FARS2: variants seen among roughly 807,000 people sequenced by gnomAD.
The protein encoded by FARS2 is phenylalanine--tRNA ligase, mitochondrial.
In FARS2, 40 loss-of-function variants were observed where a neutral mutation model predicts 46.4. The observed-to-expected ratio is 0.86, with a 90% CI of 0.67 to 1.12. The LOEUF is 1.12. Among genes scored for constraint, FARS2 ranks in the 50% most tolerant of loss-of-function variants. The pLI, the probability that FARS2 is intolerant of heterozygous loss-of-function variation, is 0.00. For missense variants in FARS2, 513 were observed against 567.9 expected (o/e 0.90, Z 0.98); for synonymous variants, 234 against 214.9 (o/e 1.09, Z -0.78).
At chr6:5,492,680 A>G (rs1287054768) in intron 4 of FARS2, among the ~76,000 whole-genome samples, 1 of 152,248 alleles carries the variant, frequency 6.6e-6, no homozygotes, top group Non-Finnish European at 1.5e-5. Context: ...TCGAGCCCCT[A>G]CCATGTTCTG....
rs554904133 is a variant in FARS2, at chr6:5,373,855, G to A, written c.612+4673G>A. The stretch of plus-strand genomic sequence containing the variant: ...AAGAAAAATAAAAGGGGATGAAAAC[G>A]ATACCCGTAGATTAAAAGAAAGATC... On this transcript the variant is annotated intron_variant, in intron 2 of 6. Transcript: ENST00000274680. Among the ~76,000 whole-genome samples, 45 of 151,928 alleles carry A rather than the reference G, an allele frequency of 3.0e-4. No individual in the cohort carries two copies. In the South Asian group the frequency reaches 6.5e-3, roughly 22 times the overall value.
chr6:5,392,946 A>ATATATG (rs1760661467), intron 2 of FARS2, among the ~76,000 whole-genome samples: 3 of 145,702 alleles, frequency 2.1e-5, no homozygotes, highest in African/African-American at 7.6e-5. Flanking sequence ...GTGTGTATAT[A>ATATATG]TATATACACA....
intron 6 of FARS2, among the ~76,000 whole-genome samples, chr6:5,652,319 G>T (rs895221283): frequency 6.6e-6 from 1 of 152,212 alleles, no homozygotes; most frequent in African/African-American, 2.4e-5. Flanking sequence ...GGGGATGGGG[G>T]CTGCTGTCTT....
At chr6:5,271,345 C>T (rs549528079) in intron 1 of FARS2, among the ~76,000 whole-genome samples, 2 of 152,214 alleles carry the variant, frequency 1.3e-5, no homozygotes, top group African/African-American at 4.8e-5. Context: ...CTCCTTGTGT[C>T]ATGTCCTCAT....
At chr6:5,381,822 TC>T (rs1305055379) in intron 2 of FARS2, among the ~76,000 whole-genome samples, 3 of 152,080 alleles carry the variant, frequency 2.0e-5, no homozygotes, top group Non-Finnish European at 4.4e-5. Flanking sequence ...GAGTTCAGAG[TC>T]AGAGGCAGTG....
intron 6 of FARS2, among the ~76,000 whole-genome samples, chr6:5,743,618 C>T (rs1231732915): frequency 6.6e-6 from 1 of 152,186 alleles, no homozygotes; most frequent in Non-Finnish European, 1.5e-5. Flanking sequence ...CCTTCGAATG[C>T]TGTTGTTGAA....
rs181419271 is a variant in FARS2 at position 5,428,225 on chromosome 6, A to G, written c.773-2816A>G. ...ATGTCTTCCTCTTGGACTAGGGAGA[A>G]CCTAAGATATTACAGTTGTGAGAGA... On this transcript the variant is annotated intron_variant, in intron 3 of 6. Coordinates refer to ENST00000274680, the MANE Select transcript of FARS2 (RefSeq NM_006567.5). Among the ~76,000 whole-genome samples the G allele has an allele frequency of 7.2e-5, 11 of 152,312 alleles. 1 individual carries two copies. The East Asian group carries it at 2.1e-3, about 29-fold the overall frequency.
intron 6 of FARS2, among the ~76,000 whole-genome samples, chr6:5,742,299 T>G (rs945491893): frequency 1.3e-5 from 2 of 152,200 alleles, no homozygotes; most frequent in Non-Finnish European, 2.9e-5. Flanking sequence ...ATCTCTTACT[T>G]TGAAACCTTC....
intron 5 of FARS2, among the ~76,000 whole-genome samples, chr6:5,605,916 G>C (rs1042540386): frequency 1.4e-4 from 21 of 152,144 alleles, no homozygotes; most frequent in Admixed American, 1.1e-3. Context: ...TTAAAATAAA[G>C]AAGGAAAAGC....
At chr6:5,290,032 A>G (rs935392677) in intron 1 of FARS2, among the ~76,000 whole-genome samples, 2 of 152,218 alleles carry the variant, frequency 1.3e-5, no homozygotes, top group African/African-American at 4.8e-5. Context: ...AAAATTTTCA[A>G]TATTTATATT....
At chr6:5,383,205 G>A (rs1759899383) in intron 2 of FARS2, among the ~76,000 whole-genome samples, 1 of 152,144 alleles carries the variant, frequency 6.6e-6, no homozygotes, top group Non-Finnish European at 1.5e-5. Context: ...ATGTTCTATC[G>A]ATGCCACATT....
At chr6:5,725,863 A>G (rs1396807504) in intron 6 of FARS2, among the ~76,000 whole-genome samples, 1 of 152,194 alleles carries the variant, frequency 6.6e-6, no homozygotes, top group Non-Finnish European at 1.5e-5. Flanking sequence ...TGAACCAGAG[A>G]GGCAGAGGTT....
chr6:5,370,741 A>T (rs1267242191), intron 2 of FARS2, among the ~76,000 whole-genome samples: 1 of 152,176 alleles, frequency 6.6e-6, no homozygotes, highest in Non-Finnish European at 1.5e-5. Context: ...GGAAATAGGA[A>T]GTGGATAGGA....
intron 5 of FARS2, among the ~76,000 whole-genome samples, chr6:5,564,717 A>T (rs960699260): frequency 6.6e-6 from 1 of 152,204 alleles, no homozygotes; most frequent in Non-Finnish European, 1.5e-5. Flanking sequence ...TCCACAAGGA[A>T]TTTCACATAA....
chr6:5,674,918 G>C (rs1038755459), intron 6 of FARS2, among the ~76,000 whole-genome samples: 1 of 152,200 alleles, frequency 6.6e-6, no homozygotes, highest in Non-Finnish European at 1.5e-5. Flanking sequence ...CAGGCAAAGG[G>C]AAGTTCTCAG....
At chr6:5,500,620 A>G (rs149097871) in intron 4 of FARS2, among the ~76,000 whole-genome samples, 1 of 152,284 alleles carries the variant, frequency 6.6e-6, no homozygotes, top group Admixed American at 6.5e-5. Context: ...TAAGGAACAT[A>G]CCAGGGTACC....
intron 6 of FARS2, among the ~76,000 whole-genome samples, chr6:5,716,721 T>C (rs1286887507): frequency 6.6e-6 from 1 of 152,188 alleles, no homozygotes; most frequent in Non-Finnish European, 1.5e-5. Context: ...TAGAGCAGCT[T>C]ACAGAACTCA....
At chr6:5,436,110 G>T (rs1763507408) in intron 4 of FARS2, among the ~76,000 whole-genome samples, 1 of 152,092 alleles carries the variant, frequency 6.6e-6, no homozygotes, top group Admixed American at 6.6e-5. Flanking sequence ...TCATAACAGG[G>T]GTACCGTGGG....
chr6:5,611,783 T>C (rs1222264142), intron 5 of FARS2, among the ~76,000 whole-genome samples: 3 of 152,238 alleles, frequency 2.0e-5, no homozygotes, highest in Non-Finnish European at 2.9e-5. Context: ...CCATGAATTG[T>C]TGACACGTGT....
Sources: gnomAD v4.1 joint callset for allele counts (sites outside exome capture counted in the v4.1 genomes callset) on GRCh38, gnomAD v4.1.1 for gene constraint, MANE v1.5 for transcripts, NCBI Gene and HGNC (gene_info 2026-07-23, HGNC 2026-07-21) for gene names.